The following TCOF1 variants were observed in gnomAD, a reference collection of about 807,000 sequenced individuals.
TCOF1 encodes the protein treacle protein.
A neutral mutation model predicts 149.0 loss-of-function variants in TCOF1; 33 were observed. That is an observed-to-expected ratio of 0.22 (90% confidence interval 0.17 to 0.30). TCOF1 has a LOEUF of 0.30. Among genes scored for constraint, TCOF1 ranks in the 10% least tolerant of loss-of-function variants. The pLI is 1.00. For missense variants in TCOF1, 1,728 were observed against 1,840.7 expected (o/e 0.94, Z 1.12); for synonymous variants, 789 against 738.8 (o/e 1.07, Z -1.10).
chr5:150,398,492 C>A, intron 25 of TCOF1, 41 bp downstream of exon 25: 1 of 1,613,484 alleles, frequency 6.2e-7, no homozygotes, highest in Non-Finnish European at 8.5e-7. Context: ...AAAACAGACC[C>A]AAACCCAAGC....
chr5:150,393,802 C>T (rs1176668705), intron 23 of TCOF1: 1 of 525,080 alleles, frequency 1.9e-6, no homozygotes, highest in Non-Finnish European at 3.4e-6. Flanking sequence ...TTGCTCAAGC[C>T]CAGGAGTTCA....
chr5:150,382,990 C>G, intron 17 of TCOF1: 1 of 1,256,518 alleles, frequency 8.0e-7, no homozygotes, highest in Non-Finnish European at 1.1e-6. Flanking sequence ...GGGTCATTGC[C>G]TACTGGCTGT....
chr5:150,368,231 T>G (rs529872905), intron 4 of TCOF1: 1 of 413,776 alleles, frequency 2.4e-6, no homozygotes. Flanking sequence ...ATACCTGTTA[T>G]GTTCCAGGCA....
chr5:150,393,845 C>T, intron 23 of TCOF1: 1 of 436,028 alleles, frequency 2.3e-6, no homozygotes, highest in Non-Finnish European at 4.3e-6. Flanking sequence ...GAGACCCCAT[C>T]TCTAAAATTT....
At chr5:150,382,154 G>A (rs532305657) in intron 17 of TCOF1, among the ~76,000 whole-genome samples, 4 of 151,328 alleles carry the variant, frequency 2.6e-5, no homozygotes, top group African/African-American at 9.8e-5. Context: ...AGCAGAGCAA[G>A]ACTCCATCTC....
Position 150,357,734 on chromosome 5 carries a change from G to A in TCOF1, c.-13G>A. ...GGGGCGTGCAGGTAGCCGGCCGGCC[G>A]GGGGTCGCGGGTATGGCCGAGGCCA... On this transcript the variant is annotated 5_prime_UTR_variant, in exon 1 of 27. Coordinates refer to ENST00000643257, the MANE Select transcript of TCOF1 (RefSeq NM_001371623.1). The A allele has an allele frequency of 1.3e-6, 2 of 1,546,984 alleles. No individual in the cohort carries two copies. The highest frequency in any genetic ancestry group is 1.7e-6 in the Non-Finnish European group (2 of 1,145,672).
chr5:150,379,844 G>T (rs1395290973), intron 17 of TCOF1, 112 bp downstream of exon 17: 17 of 1,339,046 alleles, frequency 1.3e-5, no homozygotes, highest in Non-Finnish European at 1.7e-5. Flanking sequence ...GGCCGAGGCA[G>T]ATGTATCACT....
intron 17 of TCOF1, among the ~76,000 whole-genome samples, chr5:150,381,081 C>T (rs1296893564): frequency 6.6e-6 from 1 of 152,060 alleles, no homozygotes; most frequent in Non-Finnish European, 1.5e-5. Context: ...TAGGGCAGAC[C>T]GGAGAGCCCT....
chr5:150,396,231 A>T, intron 23 of TCOF1, 51 bp from the exon 24 acceptor site: 1 of 1,604,066 alleles, frequency 6.2e-7, no homozygotes, highest in Non-Finnish European at 8.5e-7. Flanking sequence ...GTACCATAAG[A>T]TCTGTCCCCC....
chr5:150,399,200 G>A, intron 26 of TCOF1, 130 bp downstream of exon 26: 1 of 1,287,650 alleles, frequency 7.8e-7, no homozygotes, highest in South Asian at 1.3e-5. Flanking sequence ...AAGAGGTTCT[G>A]TTGCCAAGGG....
rs1184166967 is a variant in TCOF1 at position 150,379,255 on chromosome 5, G to T, written c.2505G>T (p.Gln835His). 6.2e-7 allele frequency: 1 copy of T among 1,614,206 alleles called. No homozygotes were observed. The highest frequency in any genetic ancestry group is 8.5e-7 in the Non-Finnish European group (1 of 1,180,036). ...SKVKPPVRNP[Q>H]NSTVLARGPA... ...TGAAGCCACCAGTGAGAAACCCCCA[G>T]AACAGTACCGTCTTGGCGAGGGGCC... The change falls in exon 16 of 27, where the codon CAG (glutamine) becomes CAT (histidine). Residue 835 changes from glutamine to histidine, a missense_variant. By Grantham distance (24) the Gln-to-His change is conservative. Coordinates refer to ENST00000643257, the MANE Select transcript of TCOF1 (RefSeq NM_001371623.1).
intron 17 of TCOF1, 102 bp from the exon 18 acceptor site, chr5:150,387,799 TC>T: frequency 6.6e-7 from 1 of 1,522,600 alleles, no homozygotes; most frequent in Non-Finnish European, 9.0e-7. Flanking sequence ...GCCCCTGAGC[TC>T]AGTGGACCCT....
intron 17 of TCOF1, 148 bp downstream of exon 17, chr5:150,379,880 T>C (rs1764691294): frequency 2.2e-6 from 2 of 927,108 alleles, no homozygotes; most frequent in Admixed American, 4.1e-5. Flanking sequence ...AAGACCAGCC[T>C]GGCCAACATG....
chr5:150,395,776 A>G (rs1768368797), intron 23 of TCOF1, among the ~76,000 whole-genome samples: 2 of 152,204 alleles, frequency 1.3e-5, no homozygotes, highest in Admixed American at 1.3e-4. Flanking sequence ...CACTTTTATT[A>G]TAAATCTACA....
rs543439600 is a variant in TCOF1 at position 150,384,468 on chromosome 5, C to T, written c.2860-3434C>T. On this transcript the variant is annotated intron_variant, in intron 17 of 26. Transcript: ENST00000643257. Reference sequence around the variant, plus strand: ...TCTGACCCGTTGCCTGGTGCTGCCCCGACACTCTCCTCTCCTGGGCTTGGG... The same window carrying T: ...TCTGACCCGTTGCCTGGTGCTGCCCTGACACTCTCCTCTCCTGGGCTTGGG... The T allele has an allele frequency of 6.7e-5, 66 of 985,452 alleles. No individual in the cohort carries two copies. In the African/African-American group the frequency reaches 9.1e-4, roughly 14 times the overall value. 61.0% of individuals were successfully genotyped at this position (985,452 alleles called of 1,614,324 possible).
rs575890284 is a variant in TCOF1 at position 150,387,642 on chromosome 5, A to G, written c.2860-260A>G. ...TGGGCTTGTGGTTTTCCCACTTTGT[A>G]TAAGGGAGCTGATCCTGCTGAATGT... On this transcript the variant is annotated intron_variant, in intron 17 of 26. Coordinates refer to ENST00000643257, the MANE Select transcript of TCOF1 (RefSeq NM_001371623.1). 3.3e-5 allele frequency among the ~76,000 whole-genome samples: 5 copies of G among 152,248 alleles called. No homozygotes were observed. In the South Asian group the frequency reaches 1.0e-3, roughly 32 times the overall value.
At chr5:150,378,099 G>A (rs931537258) in intron 14 of TCOF1, among the ~76,000 whole-genome samples, 1 of 152,174 alleles carries the variant, frequency 6.6e-6, no homozygotes, top group Non-Finnish European at 1.5e-5. Context: ...CCACACTGTA[G>A]GGAATCTTCT....
At chr5:150,384,618 G>T (rs1235220096) in intron 17 of TCOF1, 1 of 985,346 alleles carries the variant, frequency 1.0e-6, no homozygotes, top group Admixed American at 6.1e-5. Flanking sequence ...CAATTAAAAT[G>T]AACATCCTGC....
chr5:150,389,796 C>T, intron 18 of TCOF1, 91 bp from the exon 19 acceptor site: 5 of 1,607,242 alleles, frequency 3.1e-6, no homozygotes, highest in South Asian at 1.1e-5. Flanking sequence ...TCTAGATCAC[C>T]AGCACAGGCC....
Sources: gnomAD v4.1 joint callset for allele counts (sites outside exome capture counted in the v4.1 genomes callset) on GRCh38, gnomAD v4.1.1 for gene constraint, MANE v1.5 for transcripts, NCBI Gene and HGNC (gene_info 2026-07-23, HGNC 2026-07-21) for gene names.